Variants in PDE10A observed in about 807,000 individuals in gnomAD.
The protein encoded by PDE10A is phosphodiesterase 10A, also known as cAMP and cAMP-inhibited cGMP 3',5'-cyclic phosphodiesterase 10A.
In PDE10A, 39 loss-of-function variants were observed where a neutral mutation model predicts 97.7. The observed-to-expected ratio is 0.40, with a 90% confidence interval of 0.31 to 0.52. The LOEUF (loss-of-function observed/expected upper bound fraction) is 0.52. Ranked by LOEUF, PDE10A falls within the 20% of genes least tolerant of loss-of-function variation. PDE10A has a pLI of 0.56. For missense variants in PDE10A, 731 were observed against 1,047.8 expected (o/e 0.70, Z 4.17); for synonymous variants, 371 against 376.8 (o/e 0.98, Z 0.18).
In PDE10A at chr6:165,425,647, G is replaced by A. The variant is rs146653626; in HGVS notation, c.1653+3011C>T. ...AATGAGACAAGAAAGTCCACACTTTGCCACTTCTTTTCAGTATTGTGCTGT... is the reference window on the plus strand; with the variant it reads ...AATGAGACAAGAAAGTCCACACTTTACCACTTCTTTTCAGTATTGTGCTGT... On this transcript the variant is annotated intron_variant, in intron 10 of 21. Transcript: ENST00000539869. 8.5e-5 allele frequency among the ~76,000 whole-genome samples: 13 copies of A among 152,196 alleles called. No homozygotes were observed. In the East Asian group the frequency reaches 2.5e-3, roughly 29 times the overall value.
At chr6:165,810,568 G>A (rs949763395) in intron 1 of PDE10A, among the ~76,000 whole-genome samples, 2 of 152,204 alleles carry the variant, frequency 1.3e-5, no homozygotes, top group Admixed American at 1.3e-4. Context: ...AGCCACTTAT[G>A]CTCTCTGCAG....
chr6:165,436,430 C>T (rs1790020950), intron 5 of PDE10A, among the ~76,000 whole-genome samples: 1 of 152,094 alleles, frequency 6.6e-6, no homozygotes, highest in Non-Finnish European at 1.5e-5. Context: ...ATTAACTTGA[C>T]TAATAAACCC....
intron 1 of PDE10A, among the ~76,000 whole-genome samples, chr6:165,685,560 A>G (rs1444553134): frequency 6.6e-6 from 1 of 152,128 alleles, no homozygotes; most frequent in Non-Finnish European, 1.5e-5. Flanking sequence ...AGAGCCAGGA[A>G]TCCCTGCCTT....
chr6:165,888,894 T>C (rs1200400658), intron 1 of PDE10A, among the ~76,000 whole-genome samples: 2 of 152,200 alleles, frequency 1.3e-5, no homozygotes, highest in African/African-American at 4.8e-5. Flanking sequence ...GCCAAATACA[T>C]AGATAATTCA....
At chr6:165,703,895 G>A (rs1791641217) in intron 1 of PDE10A, among the ~76,000 whole-genome samples, 1 of 152,202 alleles carries the variant, frequency 6.6e-6, no homozygotes, top group African/African-American at 2.4e-5. Context: ...ATGGTAGAGA[G>A]GGTGCAGCTT....
rs527576452 is a variant in PDE10A, at chr6:165,639,339, T to C, written c.865+22608A>G. On this transcript the variant is annotated intron_variant, in intron 1 of 21. Coordinates refer to ENST00000539869, the MANE Select transcript of PDE10A (RefSeq NM_001385079.1). ...TTTTTCAGCTTTCTGTTGAGACTTT[T>C]CATCCTTCCCTTCATTTGCACAATT... Among the ~76,000 whole-genome samples, 9 of 152,320 alleles carry C rather than the reference T, an allele frequency of 5.9e-5. No homozygotes were observed. In the South Asian group the frequency reaches 1.9e-3, roughly 32 times the overall value.
At chr6:165,861,295 G>A (rs559650384) in intron 1 of PDE10A, among the ~76,000 whole-genome samples, 57 of 152,194 alleles carry the variant, frequency 3.7e-4, no homozygotes, top group African/African-American at 1.1e-3. Context: ...GGACACTGCT[G>A]TGAATGCATG....
chr6:165,465,379 CCT>C (rs1778579609), intron 3 of PDE10A, among the ~76,000 whole-genome samples: 1 of 152,112 alleles, frequency 6.6e-6, no homozygotes, highest in Non-Finnish European at 1.5e-5. Flanking sequence ...AGATATTCAC[CCT>C]GAGTCTATCC....
At chr6:165,789,085 C>A (rs899511175) in intron 1 of PDE10A, among the ~76,000 whole-genome samples, 10 of 152,124 alleles carry the variant, frequency 6.6e-5, no homozygotes, top group African/African-American at 2.4e-4. Flanking sequence ...GTGAAGATGG[C>A]CATGTGGAAA....
chr6:165,739,248 T>C (rs1046564210), intron 1 of PDE10A, among the ~76,000 whole-genome samples: 15 of 152,172 alleles, frequency 9.9e-5, no homozygotes, highest in African/African-American at 3.6e-4. Flanking sequence ...TCTACAAAAC[T>C]ATAGTAATCA....
intron 2 of PDE10A, among the ~76,000 whole-genome samples, chr6:165,482,965 T>A (rs570206085): frequency 6.6e-6 from 1 of 152,110 alleles, no homozygotes; most frequent in African/African-American, 2.4e-5. Flanking sequence ...CCTGGAAGGC[T>A]CTCCCACTGG....
intron 1 of PDE10A, among the ~76,000 whole-genome samples, chr6:165,813,133 G>A (rs1326314648): frequency 6.6e-6 from 1 of 152,160 alleles, no homozygotes; most frequent in African/African-American, 2.4e-5. Flanking sequence ...AGAAGCTGGG[G>A]CTCAGGGAGG....
intron 2 of PDE10A, among the ~76,000 whole-genome samples, chr6:165,529,715 C>T (rs1782659671): frequency 1.3e-5 from 2 of 152,080 alleles, no homozygotes. Flanking sequence ...AAGTATTGTT[C>T]ACTTTATGGA....
rs1781334934 is a variant in PDE10A at position 165,331,410 on chromosome 6, C to T, written c.*1615G>A. ...AAATAAGAACAATGTTTATGTAGAGCCAACTTTGCTACAACATAAATAAAC... is the reference window on the plus strand; with the variant it reads ...AAATAAGAACAATGTTTATGTAGAGTCAACTTTGCTACAACATAAATAAAC... On this transcript the variant is annotated 3_prime_UTR_variant, in exon 22 of 22. Coordinates refer to ENST00000539869, the MANE Select transcript of PDE10A (RefSeq NM_001385079.1). 6.6e-6 allele frequency: 1 copy of T among 152,140 alleles called. No individual in the cohort carries two copies. Among genetic ancestry groups the T allele is most frequent in the African/African-American group, 2.4e-5 (1 of 41,410 alleles). The allele number at this position is 152,140 out of a possible 1,614,324, so 9.4% of individuals were successfully genotyped here.
At chr6:165,582,970 A>G (rs1785701356) in intron 1 of PDE10A, among the ~76,000 whole-genome samples, 1 of 152,200 alleles carries the variant, frequency 6.6e-6, no homozygotes, top group Non-Finnish European at 1.5e-5. Context: ...AAATACAAAC[A>G]AAACACATCC....
Position 165,433,138 on chromosome 6 carries a change from C to A in PDE10A, c.1336-9G>T. Reference sequence around the variant, plus strand: ...CTTGGAAATCGTTCATCCTGAAAAACAAAAAGACAAAAAGACATAAATTCA... The same window carrying A: ...CTTGGAAATCGTTCATCCTGAAAAAAAAAAAGACAAAAAGACATAAATTCA... On this transcript the variant is annotated splice_polypyrimidine_tract_variant and intron_variant, in intron 6 of 21. Coordinates refer to ENST00000539869, the MANE Select transcript of PDE10A (RefSeq NM_001385079.1). 3 of 1,585,742 alleles carry A rather than the reference C, an allele frequency of 1.9e-6. No individual in the cohort carries two copies. The South Asian group carries it at 3.4e-5, about 18-fold the overall frequency.
At position 165,396,478 on chromosome 6, in the gene PDE10A, A is replaced by T; in HGVS notation, c.2077-19T>A. The T allele has an allele frequency of 1.3e-6, 2 of 1,579,620 alleles. No individual in the cohort carries two copies. Among genetic ancestry groups the T allele is most frequent in the South Asian group, 2.4e-5 (2 of 84,994 alleles). On this transcript the variant is annotated intron_variant, in intron 13 of 21. Coordinates refer to ENST00000539869, the MANE Select transcript of PDE10A (RefSeq NM_001385079.1). ...GATACATCTAGAAGGCAAATCCAAA[A>T]AAAAAACCCCCAAAATTAAAAGAAT...
intron 1 of PDE10A, among the ~76,000 whole-genome samples, chr6:165,831,705 T>G (rs1451266601): frequency 6.6e-6 from 1 of 152,008 alleles, no homozygotes; most frequent in Non-Finnish European, 1.5e-5. Flanking sequence ...CAGGATGGTC[T>G]CGATCTCCTG....
intron 1 of PDE10A, among the ~76,000 whole-genome samples, chr6:165,591,671 CAT>C (rs1366277626): frequency 6.6e-6 from 1 of 152,212 alleles, no homozygotes; most frequent in Non-Finnish European, 1.5e-5. Flanking sequence ...CTCTTCAAAA[CAT>C]GTGTGTTGTT....
Sources: allele counts gnomAD v4.1 joint callset (sites outside exome capture counted in the v4.1 genomes callset), GRCh38; gene constraint gnomAD v4.1.1; transcripts MANE v1.5; gene names NCBI Gene and HGNC (gene_info 2026-07-23, HGNC 2026-07-21).